BRCA1: variants seen among roughly 807,000 people sequenced by gnomAD.
BRCA1 encodes BRCA1 DNA repair associated.
BRCA1 carries 140 observed loss-of-function variants against 173.7 expected under a neutral mutation model. That is an observed-to-expected ratio of 0.81 (90% CI 0.70 to 0.93). The LOEUF (loss-of-function observed/expected upper bound fraction) is 0.93, where lower values mean the gene tolerates loss of function less well. Among genes scored for constraint, BRCA1 ranks in the 40% least tolerant of loss-of-function variants. The probability of loss-of-function intolerance (pLI) is 0.00; values close to 1 mark genes in which losing one functional copy is unlikely to be tolerated. For synonymous variants in BRCA1, 662 were observed against 756.0 expected (o/e 0.88, Z 2.04); for missense variants, 1,983 against 2,172.5 (o/e 0.91, Z 1.73).
At chr17:43,160,933 CTTA>C (rs961704710) in intron 1 of BRCA1, 5 of 152,026 alleles carry the variant, frequency 3.3e-5, no homozygotes, top group African/African-American at 4.8e-5. Context: ...TATTATAACT[CTTA>C]TTATAAGAGT....
rs80356922 is a variant in BRCA1 at position 43,092,099 on chromosome 17, C to T, written c.3432G>A (p.Gln1144=). The T allele has an allele frequency of 1.2e-6, 2 of 1,613,884 alleles. No homozygotes were observed. The highest frequency in any genetic ancestry group is 8.5e-7 in the Non-Finnish European group (1 of 1,180,014). ...GGTCATCAGGTGTCTCAGAACAAAC[C>T]TGAGATGCATGACTACTTCCCATAG... ...EQPMGSSHAS[Q]VCSETPDDLL... The change falls in exon 10 of 23, where the codon CAG becomes CAA. Residue 1144 remains glutamine (Q), a synonymous_variant. Transcript: ENST00000357654.
At chr17:43,069,421 T>G (rs975420409) in intron 15 of BRCA1, among the ~76,000 whole-genome samples, 9 of 152,346 alleles carry the variant, frequency 5.9e-5, no homozygotes, top group Non-Finnish European at 8.8e-5. Flanking sequence ...CCCAAGCCAC[T>G]TGTAGTCTAA....
intron 11 of BRCA1, among the ~76,000 whole-genome samples, chr17:43,089,679 CT>C (rs531751162): frequency 6.7e-6 from 1 of 149,258 alleles, no homozygotes; most frequent in African/African-American, 2.5e-5. Flanking sequence ...TCCCATCTTT[CT>C]TTTTTTTAAA....
intron 11 of BRCA1, among the ~76,000 whole-genome samples, chr17:43,090,390 T>C (rs2053403809): frequency 1.3e-5 from 2 of 152,214 alleles, no homozygotes; most frequent in Non-Finnish European, 2.9e-5. Context: ...TTGTTTGTTT[T>C]TGAGATGGAG....
chr17:43,047,510 A>G, intron 22 of BRCA1, 133 bp downstream of exon 22: 1 of 920,192 alleles, frequency 1.1e-6, no homozygotes, highest in Non-Finnish European at 1.8e-6. Context: ...CATCAAAAAG[A>G]CATTTTAGCC....
At chr17:43,053,089 G>T (rs977050847) in intron 19 of BRCA1, among the ~76,000 whole-genome samples, 14 of 151,886 alleles carry the variant, frequency 9.2e-5, no homozygotes, top group South Asian at 2.1e-4. Flanking sequence ...TGTTGGCCAG[G>T]CTGGTCTTGA....
At position 43,045,766 on chromosome 17, in the gene BRCA1, C is replaced by G. The variant is rs273902776; in HGVS notation, c.5504G>C (p.Arg1835Pro). 3 of 1,614,086 alleles carry G rather than the reference C, an allele frequency of 1.9e-6. No homozygotes were observed. Among genetic ancestry groups the G allele is most frequent in the Non-Finnish European group, 2.5e-6 (3 of 1,180,020 alleles). The change falls in exon 23 of 23, where the codon CGA (arginine) becomes CCA (proline). Residue 1835 changes from arginine (R) to proline (P), a missense_variant. By Grantham distance (103) the Arg-to-Pro change is moderately radical. Transcript: ENST00000357654. ...TGCTACACTGTCCAACACCCACTCTCGGGTCACCACAGGTGCCTCACACAT... is the reference window on the plus strand; with the variant it reads ...TGCTACACTGTCCAACACCCACTCTGGGGTCACCACAGGTGCCTCACACAT... ...GQMCEAPVVT[R>P]EWVLDSVALY...
rs80357149 is a variant in BRCA1, at chr17:43,047,702, C to A, written c.5408G>T (p.Gly1803Val). 1 of 1,614,158 alleles carries A rather than the reference C, an allele frequency of 6.2e-7. No homozygotes were observed. The highest frequency in any genetic ancestry group is 8.5e-7 in the Non-Finnish European group (1 of 1,180,028). The change falls in exon 22 of 23, where the codon GGT becomes GTT. Residue 1803 changes from glycine (G) to valine (V), a missense_variant and splice_region_variant. Gly to Val is a moderately radical substitution (Grantham distance 109, BLOSUM62 -3). Transcript: ENST00000357654. Reference sequence around the variant, plus strand: ...CTGCACAACCACAATTGGGTGGACACCCTGGATCCCCAGGAAGGAAAGAGC... The same window carrying A: ...CTGCACAACCACAATTGGGTGGACAACCTGGATCCCCAGGAAGGAAAGAGC... Reference protein sequence around the residue: ...KELSSFTLGTGVHPIVVVQPD... With the variant: ...KELSSFTLGTVVHPIVVVQPD...
chr17:43,046,942 G>A (rs963164790), intron 22 of BRCA1, among the ~76,000 whole-genome samples: 2 of 151,990 alleles, frequency 1.3e-5, no homozygotes, highest in Admixed American at 1.3e-4. Context: ...AAAAATGTAT[G>A]TAATATCTTA....
At chr17:43,087,339 T>G (rs1051718830) in intron 11 of BRCA1, among the ~76,000 whole-genome samples, 2 of 152,102 alleles carry the variant, frequency 1.3e-5, no homozygotes, top group African/African-American at 4.8e-5. Flanking sequence ...GAATCCCATA[T>G]AGTAATTAAA....
chr17:43,117,208 G>A (rs989985669), intron 2 of BRCA1, among the ~76,000 whole-genome samples: 2 of 152,168 alleles, frequency 1.3e-5, no homozygotes, highest in Non-Finnish European at 1.5e-5. Context: ...TTGGGAGGCT[G>A]AGGTGGGTGG....
chr17:43,145,243 A>C, intron 1 of BRCA1: 2 of 692,288 alleles, frequency 2.9e-6, no homozygotes, highest in Admixed American at 1.8e-5. Flanking sequence ...GAGATAAAGA[A>C]GCCAAGTCTG....
chr17:43,094,041 G>A lies in BRCA1; in HGVS notation c.1490C>T (p.Pro497Leu), dbSNP rs1555591693. ...TTTACGCTTTAATTTATTTGTGAGGGGACGCTCTTGTATTATCTGTGGCTC... is the reference window on the plus strand; with the variant it reads ...TTTACGCTTTAATTTATTTGTGAGGAGACGCTCTTGTATTATCTGTGGCTC... ...VTEPQIIQER[P>L]LTNKLKRKRR... is the part of the protein sequence containing the mutation. The change falls in exon 10 of 23, where the codon CCC becomes CTC. Residue 497 changes from proline (P) to leucine (L), a missense_variant. Coordinates refer to ENST00000357654, the MANE Select transcript of BRCA1 (RefSeq NM_007294.4). 1 of 1,613,744 alleles carries A rather than the reference G, an allele frequency of 6.2e-7. No homozygotes were observed. The highest frequency in any genetic ancestry group is 1.1e-5 in the South Asian group (1 of 91,074).
At position 43,047,690 on chromosome 17, in the gene BRCA1, A is replaced by G. The variant is rs2050991229; in HGVS notation, c.5420T>C (p.Ile1807Thr). 6.2e-7 allele frequency: 1 copy of G among 1,614,166 alleles called. No individual in the cohort carries two copies. Among genetic ancestry groups the G allele is most frequent in the Non-Finnish European group, 8.5e-7 (1 of 1,180,012 alleles). The change falls in exon 22 of 23, where the codon ATT becomes ACT. Residue 1807 changes from isoleucine (I) to threonine (T), a missense_variant. Physicochemically the swap from Ile to Thr is moderately conservative, Grantham distance 89. Transcript: ENST00000357654. ...CCAGGCATCTGGCTGCACAACCACA[A>G]TTGGGTGGACACCCTGGATCCCCAG... is the stretch of plus-strand genomic sequence containing the variant. ...SFTLGTGVHP[I>T]VVVQPDAWTE...
chr17:43,132,804 C>G (rs2055980788), intron 1 of BRCA1: 1 of 150,790 alleles, frequency 6.6e-6, no homozygotes, highest in Admixed American at 6.6e-5. Context: ...CGCTCTGTCG[C>G]CCAGGCTGGA....
At chr17:43,076,950 G>C (rs986646745) in intron 12 of BRCA1, among the ~76,000 whole-genome samples, 7 of 151,912 alleles carry the variant, frequency 4.6e-5, no homozygotes, top group Non-Finnish European at 8.8e-5. Flanking sequence ...TTTTATCTCT[G>C]CAGCAAAATA....
intron 11 of BRCA1, among the ~76,000 whole-genome samples, chr17:43,084,134 C>T (rs2053137352): frequency 6.6e-6 from 1 of 152,016 alleles, no homozygotes; most frequent in Admixed American, 6.6e-5. Context: ...AGGTTCAAGC[C>T]ATTCTTCTGC....
chr17:43,134,955 A>G (rs985718716), intron 1 of BRCA1, among the ~76,000 whole-genome samples: 3 of 152,222 alleles, frequency 2.0e-5, no homozygotes, highest in Non-Finnish European at 4.4e-5. Flanking sequence ...CAACCCCCAC[A>G]GCAGGTCTCC....
Position 43,125,348 on chromosome 17 carries a change from G to A in BRCA1, c.-97C>T, listed in dbSNP as rs766347954. The A allele has an allele frequency of 1.4e-5, 6 of 433,562 alleles. No homozygotes were observed. Among genetic ancestry groups the A allele is most frequent in the South Asian group, 6.3e-5 (4 of 63,334 alleles). 26.9% of individuals were successfully genotyped at this position (433,562 alleles called of 1,614,324 possible). Reference sequence around the variant, plus strand: ...TGAGAAACCCCACAGCCTGTCCCCCGTCCAGGAAGTCTCAGCGAGCTCACG... The same window carrying A: ...TGAGAAACCCCACAGCCTGTCCCCCATCCAGGAAGTCTCAGCGAGCTCACG... On this transcript the variant is annotated 5_prime_UTR_variant, in exon 1 of 23. It adds an upstream start codon to the 5' untranslated region. Coordinates refer to ENST00000357654, the MANE Select transcript of BRCA1 (RefSeq NM_007294.4).
Sources: gnomAD v4.1 joint callset for allele counts (sites outside exome capture counted in the v4.1 genomes callset) on GRCh38, gnomAD v4.1.1 for gene constraint, MANE v1.5 for transcripts, NCBI Gene and HGNC (gene_info 2026-07-23, HGNC 2026-07-21) for gene names.